SCAPER: variants seen among roughly 807,000 people sequenced by gnomAD.
The protein encoded by SCAPER is S-phase cyclin A associated protein in the ER, also known as S phase cyclin A-associated protein in the endoplasmic reticulum.
In SCAPER, 98 loss-of-function variants were observed where a neutral mutation model predicts 182.2. That is an observed-to-expected ratio of 0.54 (90% CI 0.46 to 0.64). The LOEUF is 0.64. Among genes scored for constraint, SCAPER ranks in the 30% least tolerant of loss-of-function variants. The probability of loss-of-function intolerance (pLI) is 0.00; values close to 1 mark genes in which losing one functional copy is unlikely to be tolerated. For synonymous variants in SCAPER, 605 were observed against 564.6 expected (o/e 1.07, Z -1.01); for missense variants, 1,432 against 1,690.0 (o/e 0.85, Z 2.68).
chr15:76,402,864 G>A (rs997063139), intron 27 of SCAPER, among the ~76,000 whole-genome samples: 1 of 152,030 alleles, frequency 6.6e-6, no homozygotes, highest in African/African-American at 2.4e-5. Context: ...TGGCTCAGTT[G>A]TTTTTCCTAC....
chr15:76,724,783 C>T (rs1280493638), intron 17 of SCAPER, among the ~76,000 whole-genome samples: 1 of 152,156 alleles, frequency 6.6e-6, no homozygotes, highest in African/African-American at 2.4e-5. Flanking sequence ...CTATCAGGTC[C>T]TTTAAGGACT....
chr15:76,487,050 G>A (rs1419797476), intron 24 of SCAPER, among the ~76,000 whole-genome samples: 1 of 152,104 alleles, frequency 6.6e-6, no homozygotes, highest in African/African-American at 2.4e-5. Context: ...GGAGGGAGCT[G>A]GAGGCCATTA....
At chr15:76,740,897 G>A in intron 15 of SCAPER, among the ~76,000 whole-genome samples, 1 of 152,096 alleles carries the variant, frequency 6.6e-6, no homozygotes, top group Non-Finnish European at 1.5e-5. Flanking sequence ...ATTGTGGAAA[G>A]ATTAGGATGA....
At chr15:76,639,182 ATT>A (rs2053893898) in intron 21 of SCAPER, among the ~76,000 whole-genome samples, 1 of 152,224 alleles carries the variant, frequency 6.6e-6, no homozygotes. Context: ...TATACCTATA[ATT>A]AATATGGAAG....
At chr15:76,740,244 A>G (rs921087192) in intron 15 of SCAPER, among the ~76,000 whole-genome samples, 3 of 152,234 alleles carry the variant, frequency 2.0e-5, no homozygotes, top group Non-Finnish European at 2.9e-5. Flanking sequence ...TGAATAGATA[A>G]TAAGCCTTGA....
rs1209519473 is a variant in SCAPER, at chr15:76,694,829, A to G, written c.2508+6929T>C. Reference sequence around the variant, plus strand: ...ACTATGTACTTTTAAAATCATGACCAAATTGTTAAATATTAATATAGACAA... The same window carrying G: ...ACTATGTACTTTTAAAATCATGACCGAATTGTTAAATATTAATATAGACAA... On this transcript the variant is annotated intron_variant, in intron 20 of 31. Transcript: ENST00000563290. Among the ~76,000 whole-genome samples, 6 of 152,292 alleles carry G rather than the reference A, an allele frequency of 3.9e-5. No individual in the cohort carries two copies. The East Asian group carries it at 1.2e-3, about 29-fold the overall frequency.
At chr15:76,887,459 G>A (rs769971894) in intron 1 of SCAPER, among the ~76,000 whole-genome samples, 8 of 152,216 alleles carry the variant, frequency 5.3e-5, no homozygotes, top group African/African-American at 9.6e-5. Context: ...CAAATACCGC[G>A]CTTTTCCCAC....
At chr15:76,603,079 C>A (rs1384676006) in intron 22 of SCAPER, among the ~76,000 whole-genome samples, 1 of 114,422 alleles carries the variant, frequency 8.7e-6, no homozygotes, top group African/African-American at 2.6e-5. Flanking sequence ...TACATGTGCA[C>A]AACGTGCAGG....
chr15:76,546,169 T>C (rs908922292), intron 23 of SCAPER, among the ~76,000 whole-genome samples: 1 of 152,106 alleles, frequency 6.6e-6, no homozygotes, highest in Admixed American at 6.6e-5. Flanking sequence ...AGGAAAAATC[T>C]ACACACCAAG....
intron 23 of SCAPER, among the ~76,000 whole-genome samples, chr15:76,564,564 A>G (rs1448386319): frequency 1.3e-5 from 2 of 152,196 alleles, no homozygotes; most frequent in East Asian, 3.8e-4. Flanking sequence ...AGAAGACTCA[A>G]TATTGTTAAA....
intron 15 of SCAPER, among the ~76,000 whole-genome samples, chr15:76,735,718 G>GAA (rs1239831747): frequency 1.4e-5 from 2 of 144,414 alleles, no homozygotes; most frequent in African/African-American, 5.0e-5. Context: ...AAAAAAGAAA[G>GAA]AAAAAAAGAT....
At chr15:76,859,672 T>C (rs1485644481) in intron 3 of SCAPER, among the ~76,000 whole-genome samples, 1 of 152,358 alleles carries the variant, frequency 6.6e-6, no homozygotes, top group Non-Finnish European at 1.5e-5. Flanking sequence ...TTGTCATCAT[T>C]ACTACAGATA....
intron 24 of SCAPER, chr15:76,472,096 G>A: frequency 2.8e-6 from 1 of 352,832 alleles, no homozygotes. Context: ...CCGCATCACT[G>A]CCATGCCCAA....
intron 5 of SCAPER, among the ~76,000 whole-genome samples, chr15:76,830,945 C>G (rs536438931): frequency 6.6e-6 from 1 of 152,226 alleles, no homozygotes; most frequent in East Asian, 1.9e-4. Context: ...CCATTCCTGG[C>G]CCAAAGTGGC....
rs1330324081 is a variant in SCAPER at position 76,694,744 on chromosome 15, A to G, written c.2508+7014T>C. On this transcript the variant is annotated intron_variant, in intron 20 of 31. Transcript: ENST00000563290. ...CAACAGGAAAATCTAGTCAGTTTATATATGAAGATGATACAATCTTAAGAA... is the reference window on the plus strand; with the variant it reads ...CAACAGGAAAATCTAGTCAGTTTATGTATGAAGATGATACAATCTTAAGAA... Among the ~76,000 whole-genome samples, 4 of 152,168 alleles carry G rather than the reference A, an allele frequency of 2.6e-5. No homozygotes were observed. The East Asian group carries it at 7.7e-4, about 29-fold the overall frequency.
At chr15:76,693,907 A>G (rs908180983) in intron 20 of SCAPER, among the ~76,000 whole-genome samples, 1 of 152,284 alleles carries the variant, frequency 6.6e-6, no homozygotes, top group Non-Finnish European at 1.5e-5. Flanking sequence ...GTGGATTAAC[A>G]GTGGTGATGG....
chr15:76,645,028 T>C (rs2054425193), intron 21 of SCAPER, among the ~76,000 whole-genome samples: 1 of 152,160 alleles, frequency 6.6e-6, no homozygotes, highest in South Asian at 2.1e-4. Context: ...CAATGTTATG[T>C]CTGTATTGAA....
chr15:76,485,845 A>C (rs1477143694), intron 24 of SCAPER, among the ~76,000 whole-genome samples: 1 of 152,202 alleles, frequency 6.6e-6, no homozygotes, highest in Non-Finnish European at 1.5e-5. Flanking sequence ...CAGAAGACTG[A>C]AACTGGGCCC....
intron 27 of SCAPER, 22 bp from the exon 28 acceptor site, chr15:76,381,637 C>A (rs1224433782): frequency 6.5e-7 from 1 of 1,543,290 alleles, no homozygotes. Flanking sequence ...ACATTCAGTT[C>A]TTTGAGAAAA....
Sources: gnomAD v4.1 joint callset for allele counts (sites outside exome capture counted in the v4.1 genomes callset) on GRCh38, gnomAD v4.1.1 for gene constraint, MANE v1.5 for transcripts, NCBI Gene and HGNC (gene_info 2026-07-23, HGNC 2026-07-21) for gene names.